Variants in STK24 observed in about 807,000 individuals in gnomAD.
STK24 encodes the protein serine/threonine kinase 24, also known as serine/threonine-protein kinase 24.
Under a neutral mutation model 55.6 loss-of-function variants are expected in STK24, and 21 were observed. That is an observed-to-expected ratio of 0.38 (90% CI 0.27 to 0.54). STK24 has a LOEUF of 0.54. Among genes scored for constraint, STK24 ranks in the 20% least tolerant of loss-of-function variants. The pLI is 0.79. For synonymous variants in STK24, 200 were observed against 215.2 expected, an observed-to-expected ratio of 0.93 and a Z score of 0.62; for missense variants, 383 against 538.4, an observed-to-expected ratio of 0.71 and a Z score of 2.86.
chr13:98,536,027 C>A (rs1251715125), intron 1 of STK24, among the ~76,000 whole-genome samples: 2 of 152,198 alleles, frequency 1.3e-5, no homozygotes, highest in East Asian at 3.8e-4. Flanking sequence ...AACGCATTTC[C>A]TTTACCTGAA....
intron 10 of STK24, 119 bp from the exon 11 acceptor site, chr13:98,453,328 T>C: frequency 1.0e-6 from 1 of 991,946 alleles, no homozygotes; most frequent in South Asian, 1.5e-5. Flanking sequence ...CAAAAATAAG[T>C]GGAGCAAATA....
chr13:98,537,315 T>C (rs1244057563), intron 1 of STK24, among the ~76,000 whole-genome samples: 1 of 152,050 alleles, frequency 6.6e-6, no homozygotes, highest in African/African-American at 2.4e-5. Flanking sequence ...TCATCTGGAG[T>C]GGGGCCTTCC....
chr13:98,576,521 G>A lies in STK24; in HGVS notation c.42+224C>T, dbSNP rs372731979. Among the ~76,000 whole-genome samples the A allele has an allele frequency of 1.9e-4, 29 of 152,198 alleles. No homozygotes were observed. The South Asian group carries it at 5.6e-3, about 29-fold the overall frequency. ...CCCCCACATCCGGACCCAGGCCGCGGTTCCTACGGCTCCTGCACGCACACG... is the reference window on the plus strand; with the variant it reads ...CCCCCACATCCGGACCCAGGCCGCGATTCCTACGGCTCCTGCACGCACACG... On this transcript the variant is annotated intron_variant, in intron 1 of 10. Coordinates refer to ENST00000539966, the MANE Select transcript of STK24 (RefSeq NM_001032296.4).
At chr13:98,497,038 A>C (rs968578632) in intron 2 of STK24, among the ~76,000 whole-genome samples, 2 of 152,156 alleles carry the variant, frequency 1.3e-5, no homozygotes, top group Non-Finnish European at 2.9e-5. Context: ...AGGAGCAAGA[A>C]ACCCATTTCC....
intron 9 of STK24, among the ~76,000 whole-genome samples, chr13:98,459,135 G>A (rs2139248148): frequency 6.6e-6 from 1 of 152,304 alleles, no homozygotes; most frequent in East Asian, 1.9e-4. Flanking sequence ...CCCTATTCCA[G>A]CGGCCAATGG....
chr13:98,457,465 CTTTTTT>C (rs11351684), intron 9 of STK24, among the ~76,000 whole-genome samples, 161 bp from the exon 10 acceptor site: 14 of 110,806 alleles, frequency 1.3e-4, no homozygotes, highest in African/African-American at 3.1e-4. Context: ...CTTCAAATTG[CTTTTTT>C]TTTTTTTTTT....
At chr13:98,530,117 G>GCA (rs5806067) in intron 1 of STK24, among the ~76,000 whole-genome samples, 13 of 151,484 alleles carry the variant, frequency 8.6e-5, no homozygotes, top group African/African-American at 2.7e-4. Context: ...ACACACACAC[G>GCA]CACACACACA....
At chr13:98,534,566 G>A (rs564701222) in intron 1 of STK24, among the ~76,000 whole-genome samples, 2 of 152,282 alleles carry the variant, frequency 1.3e-5, no homozygotes, top group Non-Finnish European at 2.9e-5. Context: ...GAGGCTACAA[G>A]ATTCTGAACC....
At chr13:98,518,604 T>C (rs779747655) in intron 2 of STK24, among the ~76,000 whole-genome samples, 4 of 152,238 alleles carry the variant, frequency 2.6e-5, no homozygotes, top group Non-Finnish European at 4.4e-5. Context: ...TGTAACAGGA[T>C]TGTTCTACGA....
In STK24 at chr13:98,576,778, G is replaced by T; in HGVS notation, c.9C>A (p.His3Gln). 1 of 1,435,576 alleles carries T rather than the reference G, an allele frequency of 7.0e-7. No individual in the cohort carries two copies. The highest frequency in any genetic ancestry group is 9.1e-7 in the Non-Finnish European group (1 of 1,095,100). The allele number at this position is 1,435,576 out of a possible 1,614,324, so 88.9% of individuals were successfully genotyped here. ...CGGGCAGGCCCGACTGCACCGGGGA[G>T]TGAGCCATGGCGCTCAGGACGGCCA... MA[H>Q]SPVQSGLPGM... The change falls in exon 1 of 11, where the codon CAC (histidine) becomes CAA (glutamine). Residue 3 changes from histidine to glutamine, a missense_variant. Transcript: ENST00000539966.
chr13:98,574,110 C>G (rs1897814030), intron 1 of STK24, among the ~76,000 whole-genome samples: 1 of 152,106 alleles, frequency 6.6e-6, no homozygotes, highest in African/African-American at 2.4e-5. Context: ...CTCCCGGGTT[C>G]AAGTGATTCT....
intron 2 of STK24, among the ~76,000 whole-genome samples, 159 bp downstream of exon 2, chr13:98,519,084 T>C (rs1019916261): frequency 6.6e-6 from 1 of 152,260 alleles, no homozygotes; most frequent in African/African-American, 2.4e-5. Flanking sequence ...TTTGAGATGA[T>C]GGAACTATCA....
chr13:98,565,943 G>T (rs1252569398), intron 1 of STK24, among the ~76,000 whole-genome samples: 1 of 152,266 alleles, frequency 6.6e-6, no homozygotes, highest in Non-Finnish European at 1.5e-5. Flanking sequence ...CGCAGTGCCA[G>T]CCCGGTGGGC....
At chr13:98,493,243 C>T (rs1460081791) in intron 2 of STK24, among the ~76,000 whole-genome samples, 2 of 152,182 alleles carry the variant, frequency 1.3e-5, no homozygotes, top group Non-Finnish European at 2.9e-5. Flanking sequence ...CGTGTGCTCG[C>T]GTCCAATATG....
chr13:98,460,562 A>C, intron 8 of STK24, 122 bp from the exon 9 acceptor site: 1 of 738,078 alleles, frequency 1.4e-6, no homozygotes, highest in South Asian at 1.7e-5. Flanking sequence ...CACGCTGAGG[A>C]AACACCCTCT....
chr13:98,464,488 T>A (rs1893852311), intron 6 of STK24, among the ~76,000 whole-genome samples: 1 of 142,086 alleles, frequency 7.0e-6, no homozygotes, highest in African/African-American at 2.6e-5. Context: ...TGTTCTGTGT[T>A]GTTTAACTTT....
At chr13:98,488,375 C>A (rs966177067) in intron 2 of STK24, among the ~76,000 whole-genome samples, 1 of 152,158 alleles carries the variant, frequency 6.6e-6, no homozygotes, top group Non-Finnish European at 1.5e-5. Flanking sequence ...GCAAATTAAG[C>A]CAGTTATTCA....
intron 2 of STK24, among the ~76,000 whole-genome samples, chr13:98,484,137 A>C (rs1894715498): frequency 3.3e-5 from 5 of 152,174 alleles, no homozygotes. Context: ...ATTTCAGGGA[A>C]GCTTCCATCA....
At chr13:98,477,434 G>A (rs1423863963) in intron 3 of STK24, among the ~76,000 whole-genome samples, 1 of 152,156 alleles carries the variant, frequency 6.6e-6, no homozygotes, top group African/African-American at 2.4e-5. Flanking sequence ...CACTTTGGGA[G>A]GCCGAGGCGG....
Sources: allele counts gnomAD v4.1 joint callset (sites outside exome capture counted in the v4.1 genomes callset), GRCh38; gene constraint gnomAD v4.1.1; transcripts MANE v1.5; gene names NCBI Gene and HGNC (gene_info 2026-07-23, HGNC 2026-07-21).